SYT16: variants seen among roughly 807,000 people sequenced by gnomAD.
SYT16 encodes synaptotagmin-16.
Under a neutral mutation model 61.4 loss-of-function variants are expected in SYT16, and 42 were observed. That is an observed-to-expected ratio of 0.68 (90% confidence interval 0.53 to 0.89). The LOEUF is 0.89. SYT16 is among the 40% of genes least tolerant of loss of function. The pLI is 0.00. For missense variants in SYT16, 804 were observed against 807.3 expected (o/e 1.00, Z 0.05); for synonymous variants, 314 against 302.3 (o/e 1.04, Z -0.40).
chr14:61,999,003 G>T (rs1254132359), intron 3 of SYT16, among the ~76,000 whole-genome samples: 1 of 151,732 alleles, frequency 6.6e-6, no homozygotes, highest in Non-Finnish European at 1.5e-5. Flanking sequence ...AAATCCACTT[G>T]GTCATGTTAT....
intron 3 of SYT16, among the ~76,000 whole-genome samples, chr14:62,039,009 G>A (rs1256087989): frequency 6.6e-6 from 1 of 152,190 alleles, no homozygotes; most frequent in Non-Finnish European, 1.5e-5. Flanking sequence ...ATGAAGAAAT[G>A]GAAGGTCAGA....
At chr14:62,011,396 A>T (rs1346959216) in intron 3 of SYT16, among the ~76,000 whole-genome samples, 1 of 152,200 alleles carries the variant, frequency 6.6e-6, no homozygotes, top group African/African-American at 2.4e-5. Context: ...AATAAAAAAA[A>T]ACACCACCAC....
chr14:61,925,404 T>C (rs1217239037), intron 1 of SYT16, among the ~76,000 whole-genome samples: 2 of 145,330 alleles, frequency 1.4e-5, no homozygotes, highest in South Asian at 2.3e-4. Flanking sequence ...TATCAAATCA[T>C]GTGTTGTGCA....
Position 62,086,226 on chromosome 14 carries a change from C to A in SYT16, c.1624+1841C>A, listed in dbSNP as rs191318431. On this transcript the variant is annotated intron_variant, in intron 7 of 7. Coordinates refer to ENST00000683842, the MANE Select transcript of SYT16 (RefSeq NM_001367656.1). Reference sequence around the variant, plus strand: ...GGCACGGTGGCTCAATGCCTGTAATCCCAGCGCTTTGGGAGGCCGAGGTGA... The same window carrying A: ...GGCACGGTGGCTCAATGCCTGTAATACCAGCGCTTTGGGAGGCCGAGGTGA... Among the ~76,000 whole-genome samples, 774 of 152,286 alleles carry A rather than the reference C, an allele frequency of 5.1e-3. 5 individuals carry two copies. The highest frequency in any genetic ancestry group is 8.6e-3 in the Non-Finnish European group (586 of 68,034).
At chr14:62,016,607 G>A (rs1238358723) in intron 3 of SYT16, among the ~76,000 whole-genome samples, 1 of 151,758 alleles carries the variant, frequency 6.6e-6, no homozygotes, top group African/African-American at 2.4e-5. Context: ...CAACTGCTCG[G>A]GAGGCTGAGG....
rs1555370055 is a variant in SYT16, at chr14:62,011,902, C to CAT, written c.523+15361_523+15362insTA. ...ACACACACACACACACACACACACA[C>CAT]ACATATATATACACACACACACACA... On this transcript the variant is annotated intron_variant, in intron 3 of 7. Transcript: ENST00000683842. Among the ~76,000 whole-genome samples, 20 of 120,414 alleles carry CAT rather than the reference C, an allele frequency of 1.7e-4. No homozygotes were observed. In the Admixed American group the frequency reaches 1.7e-3, roughly 10 times the overall value. The allele number at this position is 120,414 out of a possible 152,430, so 79.0% of individuals were successfully genotyped here.
At chr14:61,983,394 A>G (rs147100080) in intron 2 of SYT16, among the ~76,000 whole-genome samples, 90 of 152,336 alleles carry the variant, frequency 5.9e-4, no homozygotes, top group African/African-American at 1.6e-3. Context: ...AAAAGATGAC[A>G]GGTATTATTT....
chr14:62,086,561 T>C (rs2056894210), intron 7 of SYT16, among the ~76,000 whole-genome samples: 1 of 152,144 alleles, frequency 6.6e-6, no homozygotes, highest in East Asian at 1.9e-4. Flanking sequence ...TCCTCATCTA[T>C]AAAAAAGGAG....
intron 1 of SYT16, among the ~76,000 whole-genome samples, chr14:61,933,474 C>A (rs985548042): frequency 6.6e-6 from 1 of 152,210 alleles, no homozygotes; most frequent in Non-Finnish European, 1.5e-5. Flanking sequence ...TGTGATTTTT[C>A]TCTCAAAAGT....
chr14:62,013,294 T>C (rs1021396934), intron 3 of SYT16, among the ~76,000 whole-genome samples: 1 of 152,126 alleles, frequency 6.6e-6, no homozygotes, highest in African/African-American at 2.4e-5. Context: ...CAAGGCATTC[T>C]CCTCATGGTG....
At chr14:61,984,546 C>T (rs1195778376) in intron 2 of SYT16, among the ~76,000 whole-genome samples, 2 of 152,044 alleles carry the variant, frequency 1.3e-5, no homozygotes, top group Non-Finnish European at 2.9e-5. Flanking sequence ...GAATCTTATT[C>T]ATTATGGGTG....
At chr14:62,057,802 A>G (rs937752425) in intron 3 of SYT16, among the ~76,000 whole-genome samples, 2 of 152,208 alleles carry the variant, frequency 1.3e-5, no homozygotes, top group African/African-American at 2.4e-5. Flanking sequence ...TTGAAGTACA[A>G]TAAACCGCAC....
rs117235958 is a variant in SYT16, at chr14:61,882,956, C to T, written c.-325+70146C>T. Among the ~76,000 whole-genome samples, 752 of 152,312 alleles carry T rather than the reference C, an allele frequency of 4.9e-3. 2 individuals carry two copies. Among genetic ancestry groups the T allele is most frequent in the Non-Finnish European group, 6.7e-3 (456 of 68,020 alleles). ...ACTCCATGTCTCACATCCAAGGTGG[C>T]GTGGGACTTGCACCCTCTGAAGCAA... is the stretch of plus-strand genomic sequence containing the variant. On this transcript the variant is annotated intron_variant, in intron 1 of 7. Transcript: ENST00000683842.
chr14:62,054,651 T>C (rs7141491), intron 3 of SYT16, among the ~76,000 whole-genome samples: 69,136 of 151,956 alleles, frequency 0.45, 19,093 homozygotes, highest in African/African-American at 0.79. Flanking sequence ...TGTGAGCCAC[T>C]GTGCCTGGCT....
At chr14:62,074,543 G>C (rs1274638862) in intron 4 of SYT16, among the ~76,000 whole-genome samples, 5 of 152,204 alleles carry the variant, frequency 3.3e-5, no homozygotes, top group Non-Finnish European at 7.3e-5. Context: ...TGTGTCCACA[G>C]TGACCCTCTG....
chr14:61,949,568 C>T (rs1402599505), intron 1 of SYT16, among the ~76,000 whole-genome samples: 1 of 152,160 alleles, frequency 6.6e-6, no homozygotes, highest in Non-Finnish European at 1.5e-5. Flanking sequence ...GTGATTCTTC[C>T]ACCTCAGCTT....
At chr14:61,999,758 T>C (rs1403888803) in intron 3 of SYT16, among the ~76,000 whole-genome samples, 3 of 151,816 alleles carry the variant, frequency 2.0e-5, no homozygotes, top group African/African-American at 7.2e-5. Context: ...TGTTTTTATT[T>C]TCATTCAATT....
intron 1 of SYT16, among the ~76,000 whole-genome samples, chr14:61,894,138 A>T (rs908365850): frequency 2.0e-5 from 3 of 152,112 alleles, no homozygotes; most frequent in Non-Finnish European, 4.4e-5. Context: ...ACAAAAAATT[A>T]GCCGGGCATT....
chr14:61,984,416 A>G (rs1357831295), intron 2 of SYT16, among the ~76,000 whole-genome samples: 3 of 152,270 alleles, frequency 2.0e-5, no homozygotes, highest in Non-Finnish European at 2.9e-5. Flanking sequence ...GCCAATGTGA[A>G]ATGTCATTTT....
Sources: allele counts gnomAD v4.1 joint callset (sites outside exome capture counted in the v4.1 genomes callset), GRCh38; gene constraint gnomAD v4.1.1; transcripts MANE v1.5; gene names NCBI Gene and HGNC (gene_info 2026-07-23, HGNC 2026-07-21).